The following ANKRD28 variants were observed in gnomAD, a reference collection of about 807,000 sequenced individuals.
The protein encoded by ANKRD28 is serine/threonine-protein phosphatase 6 regulatory ankyrin repeat subunit A.
A neutral mutation model predicts 126.5 loss-of-function variants in ANKRD28; 44 were observed. The observed-to-expected ratio is 0.35, with a 90% CI of 0.27 to 0.45. ANKRD28 has a LOEUF of 0.45. ANKRD28 is among the 20% of genes least tolerant of loss of function. The pLI, the probability that ANKRD28 is intolerant of heterozygous loss-of-function variation, is 1.00. For synonymous variants in ANKRD28, 442 were observed against 468.5 expected, an observed-to-expected ratio of 0.94 and a Z score of 0.73; for missense variants, 1,110 against 1,316.6, an observed-to-expected ratio of 0.84 and a Z score of 2.43.
chr3:15,684,224 A>C (rs2067855754), intron 21 of ANKRD28: 1 of 152,228 alleles, frequency 6.6e-6, no homozygotes, highest in Admixed American at 6.5e-5. Context: ...AAATTATTTT[A>C]ATTAGTGGCA....
intron 8 of ANKRD28, among the ~76,000 whole-genome samples, chr3:15,715,906 A>C: frequency 6.6e-6 from 1 of 152,040 alleles, no homozygotes; most frequent in East Asian, 1.9e-4. Context: ...GCATCTTGGC[A>C]AAAGGATTCT....
chr3:15,840,438 A>G (rs543933089), intron 1 of ANKRD28, among the ~76,000 whole-genome samples: 33 of 152,376 alleles, frequency 2.2e-4, no homozygotes, highest in Admixed American at 9.8e-4. Context: ...GGAAGAATCA[A>G]TATCATTAAA....
At position 15,670,224 on chromosome 3, in the gene ANKRD28, G is replaced by C; in HGVS notation, c.*46C>G. On this transcript the variant is annotated 3_prime_UTR_variant, in exon 28 of 28. Transcript: ENST00000683139. ...ATCAAAGTGCCTTTTTCCTGAAAAAGCACAGTTTGAAGCTTTACTGTGAGA... is the reference window on the plus strand; with the variant it reads ...ATCAAAGTGCCTTTTTCCTGAAAAACCACAGTTTGAAGCTTTACTGTGAGA... 1 of 1,576,172 alleles carries C rather than the reference G, an allele frequency of 6.3e-7. No homozygotes were observed. Among genetic ancestry groups the C allele is most frequent in the East Asian group, 2.3e-5 (1 of 44,238 alleles).
rs1030850904 is a variant in ANKRD28 at position 15,833,994 on chromosome 3, T to C, written c.27+25383A>G. ...TATTAGCCTTTTGTCAGATGCAGTTTTCACATTTTGCACATATTTTTTCCC... is the reference window on the plus strand; with the variant it reads ...TATTAGCCTTTTGTCAGATGCAGTTCTCACATTTTGCACATATTTTTTCCC... On this transcript the variant is annotated intron_variant, in intron 1 of 27. Coordinates refer to the ANKRD28 transcript ENST00000399451. The surrounding 1 kb of genome is among the most constrained non-coding windows in gnomAD (Gnocchi z 4.4). 3.4e-4 allele frequency among the ~76,000 whole-genome samples: 52 copies of C among 152,294 alleles called. No individual in the cohort carries two copies. Among genetic ancestry groups the C allele is most frequent in the African/African-American group, 1.2e-3 (51 of 41,582 alleles).
In ANKRD28 at chr3:15,811,280, CAAA is replaced by C. The variant is rs1276230729; in HGVS notation, c.28-15977_28-15975del. On this transcript the variant is annotated intron_variant, in intron 1 of 27. Transcript: ENST00000399451. ...AGATCTCCATAATCTGTTACAATCA[CAAA>C]TAGACTCTATAGACTTAAGTACTCA... Among the ~76,000 whole-genome samples the C allele has an allele frequency of 2.1e-3, 320 of 152,224 alleles. 2 individuals are homozygous for C. Among genetic ancestry groups the C allele is most frequent in the Middle Eastern group, 0.01 (3 of 294 alleles).
intron 17 of ANKRD28, among the ~76,000 whole-genome samples, chr3:15,692,309 A>T (rs1006405035): frequency 2.6e-5 from 4 of 152,078 alleles, no homozygotes; most frequent in Non-Finnish European, 4.4e-5. Context: ...ATTAGTCGGG[A>T]ATGGTGGTGT....
intron 1 of ANKRD28, among the ~76,000 whole-genome samples, chr3:15,842,233 A>C (rs9844786): frequency 0.041 from 6,210 of 152,132 alleles, 412 homozygotes; most frequent in African/African-American, 0.14. Context: ...TATAAAAAAG[A>C]ATCACAGCCT....
At chr3:15,701,705 G>A (rs973214767) in intron 14 of ANKRD28, among the ~76,000 whole-genome samples, 3 of 152,172 alleles carry the variant, frequency 2.0e-5, no homozygotes, top group African/African-American at 7.2e-5. Context: ...CTATGATAAA[G>A]AAATAAAATA....
At chr3:15,825,098 C>G (rs2061030892) in intron 1 of ANKRD28, among the ~76,000 whole-genome samples, 1 of 152,290 alleles carries the variant, frequency 6.6e-6, no homozygotes, top group Admixed American at 6.5e-5. Context: ...CCAGTACTCT[C>G]CACATCACAG....
intron 14 of ANKRD28, among the ~76,000 whole-genome samples, chr3:15,702,822 C>T (rs2070803819): frequency 6.6e-6 from 1 of 152,140 alleles, no homozygotes; most frequent in African/African-American, 2.4e-5. Flanking sequence ...TACCACCCCC[C>T]ACCACCCCAC....
intron 1 of ANKRD28, among the ~76,000 whole-genome samples, chr3:15,849,440 T>C (rs532398817): frequency 1.1e-4 from 16 of 152,326 alleles, no homozygotes; most frequent in South Asian, 2.1e-4. Context: ...ATAAGTCAGA[T>C]TGGTATAGTG....
At chr3:15,779,872 C>T (rs1326869610) in intron 2 of ANKRD28, among the ~76,000 whole-genome samples, 1 of 152,162 alleles carries the variant, frequency 6.6e-6, no homozygotes, top group Non-Finnish European at 1.5e-5. Context: ...TCAGATATTT[C>T]TAAGGCTTAC....
At position 15,724,455 on chromosome 3, in the gene ANKRD28, T is replaced by C. The variant is rs748420293; in HGVS notation, c.710A>G (p.Tyr237Cys). 2 of 1,599,780 alleles carry C rather than the reference T, an allele frequency of 1.3e-6. No individual in the cohort carries two copies. Among genetic ancestry groups the C allele is most frequent in the Non-Finnish European group, 1.7e-6 (2 of 1,172,452 alleles). ...AGAGGCTGCTGCATGAAGAGGTGTA[T>C]AAGACTTTTTATCCTTGCATGTCAC... ...AEVTCKDKKS[Y>C]TPLHAAASSG... Residue 237 changes from tyrosine (Y) to cysteine (C), a missense_variant, in exon 7 of 28, where the codon TAT becomes TGT. Transcript: ENST00000683139.
chr3:15,685,096 C>T (rs968038159), intron 21 of ANKRD28, 130 bp downstream of exon 21: 13 of 848,924 alleles, frequency 1.5e-5, no homozygotes, highest in Admixed American at 4.5e-5. Flanking sequence ...ATTATTAGTA[C>T]GTGAGCCTAT....
At chr3:15,721,272 C>T in intron 7 of ANKRD28, 145 bp from the exon 8 acceptor site, 1 of 694,578 alleles carries the variant, frequency 1.4e-6, no homozygotes, top group African/African-American at 1.8e-5. Context: ...GCTTATAATT[C>T]TAAAGTTGGT....
intron 1 of ANKRD28, among the ~76,000 whole-genome samples, chr3:15,804,861 A>G (rs1211359650): frequency 6.9e-6 from 1 of 145,672 alleles, no homozygotes; most frequent in African/African-American, 2.6e-5. Context: ...AGATGATAGC[A>G]ACAAGAAATA....
At chr3:15,803,384 C>A (rs1469962105) in intron 1 of ANKRD28, among the ~76,000 whole-genome samples, 1 of 151,870 alleles carries the variant, frequency 6.6e-6, no homozygotes, top group African/African-American at 2.4e-5. Flanking sequence ...TTTGGGAGAC[C>A]AACGTGGGCG....
In ANKRD28 at chr3:15,694,828, G is replaced by C. The variant is rs1321198554; in HGVS notation, c.1687-15C>G. ...GTTTCCATTAACTGAAAAAGAAGAG[G>C]CATTTTAAATGTCAGAAAGACATAC... On this transcript the variant is annotated splice_polypyrimidine_tract_variant and intron_variant, in intron 16 of 27. Coordinates refer to ENST00000683139, the MANE Select transcript of ANKRD28 (RefSeq NM_001349278.2). The C allele has an allele frequency of 6.2e-7, 1 of 1,611,136 alleles. No individual in the cohort carries two copies. The highest frequency in any genetic ancestry group is 8.5e-7 in the Non-Finnish European group (1 of 1,177,544).
rs1005639198 is a variant in ANKRD28 at position 15,838,505 on chromosome 3, G to A, written c.27+20872C>T. 3.3e-5 allele frequency among the ~76,000 whole-genome samples: 5 copies of A among 152,138 alleles called. No individual in the cohort carries two copies. The South Asian group carries it at 6.2e-4, about 19-fold the overall frequency. ...TATAATCCCAGCACTTTGGGAGGCC[G>A]AGGCGGGCAGATCACCTGAGGTCAG... is the stretch of plus-strand genomic sequence containing the variant. On this transcript the variant is annotated intron_variant, in intron 1 of 27. Coordinates refer to the ANKRD28 transcript ENST00000399451. This position sits in a 1 kb window ranked among gnomAD's most constrained non-coding sequence, Gnocchi z 4.0.
Sources: allele counts gnomAD v4.1 joint callset (sites outside exome capture counted in the v4.1 genomes callset), GRCh38; gene constraint gnomAD v4.1.1; non-coding constraint Gnocchi (gnomAD v3.1); transcripts MANE v1.5; gene names NCBI Gene and HGNC (gene_info 2026-07-23, HGNC 2026-07-21).